Variants in SORL1 observed in about 807,000 individuals in gnomAD.
SORL1 encodes sortilin related receptor 1.
A neutral mutation model predicts 273.7 loss-of-function variants in SORL1; 127 were observed. That is an observed-to-expected ratio of 0.46 (90% confidence interval 0.40 to 0.54). The LOEUF (loss-of-function observed/expected upper bound fraction) is 0.54. SORL1 is among the 20% of genes least tolerant of loss of function. The pLI, the probability that SORL1 is intolerant of heterozygous loss-of-function variation, is 0.00. For synonymous variants in SORL1, 1,031 were observed against 1,067.4 expected, an observed-to-expected ratio of 0.97 and a Z score of 0.66; for missense variants, 2,494 against 2,846.1, an observed-to-expected ratio of 0.88 and a Z score of 2.81.
chr11:121,484,985 C>G (rs999391185), intron 3 of SORL1, among the ~76,000 whole-genome samples: 2 of 152,160 alleles, frequency 1.3e-5, no homozygotes, highest in Non-Finnish European at 2.9e-5. Flanking sequence ...GAACCCCTGA[C>G]CTGAAGTGAT....
chr11:121,580,943 G>C (rs1863006212), intron 25 of SORL1, among the ~76,000 whole-genome samples: 1 of 146,468 alleles, frequency 6.8e-6, no homozygotes, highest in East Asian at 2.0e-4. Flanking sequence ...TTGAGACGGG[G>C]TCTCTGTCGC....
rs1862516001 is a variant in SORL1, at chr11:121,552,121, C to G, written c.2266+1451C>G. On this transcript the variant is annotated intron_variant, in intron 16 of 47. Coordinates refer to ENST00000260197, the MANE Select transcript of SORL1 (RefSeq NM_003105.6). ...AATCTCATTCCATTGTGGGCCACCT[C>G]CTATGTAAAAGAGAGAAAAAAAAAG... is the stretch of plus-strand genomic sequence containing the variant. 2.0e-5 allele frequency among the ~76,000 whole-genome samples: 3 copies of G among 151,768 alleles called. No homozygotes were observed. The South Asian group carries it at 6.3e-4, about 32-fold the overall frequency.
At chr11:121,512,970 C>T in intron 6 of SORL1, 33 bp from the exon 7 acceptor site, 2 of 1,419,628 alleles carry the variant, frequency 1.4e-6, no homozygotes, top group East Asian at 4.6e-5. Context: ...TAATGTGGCA[C>T]CATTAATTTT....
At chr11:121,624,807 T>C (rs972028082) in intron 45 of SORL1, among the ~76,000 whole-genome samples, 2 of 152,192 alleles carry the variant, frequency 1.3e-5, no homozygotes, top group Admixed American at 6.5e-5. Context: ...GTGGCTTTGG[T>C]AAAATGACTT....
At chr11:121,454,617 G>A (rs1248655457) in intron 1 of SORL1, among the ~76,000 whole-genome samples, 2 of 152,204 alleles carry the variant, frequency 1.3e-5, no homozygotes, top group Admixed American at 6.5e-5. Context: ...CTCTGTGGCT[G>A]CCTTCCTATG....
At chr11:121,505,750 C>T (rs544427279) in intron 6 of SORL1, among the ~76,000 whole-genome samples, 13 of 152,084 alleles carry the variant, frequency 8.5e-5, no homozygotes, top group African/African-American at 2.9e-4. Context: ...TGTGAATTTC[C>T]TTCACTTTTT....
chr11:121,467,957 T>A (rs1861109478), intron 1 of SORL1, among the ~76,000 whole-genome samples: 1 of 152,222 alleles, frequency 6.6e-6, no homozygotes, highest in South Asian at 2.1e-4. Context: ...AGTTTGATCC[T>A]GGATCAAATT....
intron 31 of SORL1, among the ~76,000 whole-genome samples, chr11:121,592,721 A>G (rs10892758): frequency 0.36 from 54,795 of 152,106 alleles, 10,502 homozygotes; most frequent in East Asian, 0.66. Flanking sequence ...AATAGTCAGT[A>G]TCCCCTAAAA....
intron 11 of SORL1, among the ~76,000 whole-genome samples, chr11:121,529,280 G>C (rs1161040053): frequency 6.6e-6 from 1 of 152,086 alleles, no homozygotes; most frequent in Non-Finnish European, 1.5e-5. Flanking sequence ...GCAATGGTAT[G>C]ATCTCGGCTC....
chr11:121,590,684 T>G (rs1863197584), intron 30 of SORL1: 1 of 629,482 alleles, frequency 1.6e-6, no homozygotes, highest in East Asian at 2.7e-5. Context: ...CAGTAGGAAT[T>G]CTCTTAGCCA....
chr11:121,609,259 C>T (rs887905032), intron 38 of SORL1: 3 of 152,210 alleles, frequency 2.0e-5, no homozygotes, highest in Non-Finnish European at 2.9e-5. Flanking sequence ...CTAGTCCCCT[C>T]TAAAATCTGG....
chr11:121,622,220 G>GT lies in SORL1; in HGVS notation c.6127dup (p.Trp2043LeufsTer12). Reference sequence around the variant, plus strand: ...TAACAGAAAATGATCATGTTCTTCTGTTTTGGAAAAGCCTGGCTTTAAAGG... The same window carrying GT: ...TAACAGAAAATGATCATGTTCTTCTGTTTTTGGAAAAGCCTGGCTTTAAAGG... On this transcript the variant is annotated frameshift_variant, in exon 45 of 48. Transcript: ENST00000260197. LOFTEE classifies it high-confidence loss of function. 6.2e-7 allele frequency: 1 copy of GT among 1,612,940 alleles called. No homozygotes were observed.
At chr11:121,577,543 T>A in intron 25 of SORL1, 143 bp downstream of exon 25, 3 of 883,440 alleles carry the variant, frequency 3.4e-6, no homozygotes, top group Non-Finnish European at 4.9e-6. Context: ...CTCAAAGAGC[T>A]GGTCTTTGAT....
At chr11:121,587,794 A>C (rs987413875) in intron 27 of SORL1, among the ~76,000 whole-genome samples, 15 of 152,220 alleles carry the variant, frequency 9.9e-5, no homozygotes, top group African/African-American at 3.4e-4. Context: ...CTCATTTTGA[A>C]TTAGCGACAA....
chr11:121,476,300 C>A (rs778559503), intron 2 of SORL1, among the ~76,000 whole-genome samples: 1 of 152,254 alleles, frequency 6.6e-6, no homozygotes, highest in Non-Finnish European at 1.5e-5. Flanking sequence ...TGCACAATTT[C>A]TGAAGCTGCT....
intron 11 of SORL1, among the ~76,000 whole-genome samples, chr11:121,525,697 T>C (rs927163438): frequency 6.6e-6 from 1 of 152,268 alleles, no homozygotes; most frequent in Non-Finnish European, 1.5e-5. Context: ...TTTCATGTGC[T>C]CATTGGCCAT....
rs76757029 is a variant in SORL1 at position 121,489,417 on chromosome 11, C to G, written c.691-626C>G. Among the ~76,000 whole-genome samples, 90 of 152,324 alleles carry G rather than the reference C, an allele frequency of 5.9e-4. 1 individual carries two copies. The East Asian group carries it at 0.013, about 23-fold the overall frequency. ...CCCCCAGCCCCTGGCAACCACCATTCTACTTTCTGTCTCTATGCTTTTGCC... is the reference window on the plus strand; with the variant it reads ...CCCCCAGCCCCTGGCAACCACCATTGTACTTTCTGTCTCTATGCTTTTGCC... On this transcript the variant is annotated intron_variant, in intron 4 of 47. Coordinates refer to ENST00000260197, the MANE Select transcript of SORL1 (RefSeq NM_003105.6).
intron 6 of SORL1, 90 bp downstream of exon 6, chr11:121,497,139 C>G (rs1393591048): frequency 2.8e-6 from 3 of 1,089,328 alleles, no homozygotes; most frequent in African/African-American, 3.1e-5. Flanking sequence ...TTTGCATACA[C>G]AGGAATTGGA....
At chr11:121,456,485 T>C (rs1025329362) in intron 1 of SORL1, among the ~76,000 whole-genome samples, 5 of 152,204 alleles carry the variant, frequency 3.3e-5, no homozygotes, top group African/African-American at 1.2e-4. Context: ...AGGAATACAG[T>C]GAACCCACAC....
Sources: allele counts gnomAD v4.1 joint callset (sites outside exome capture counted in the v4.1 genomes callset), GRCh38; gene constraint gnomAD v4.1.1; transcripts MANE v1.5; gene names NCBI Gene and HGNC (gene_info 2026-07-23, HGNC 2026-07-21).